Variants in PRAMEF5 observed in about 807,000 individuals in gnomAD.
PRAMEF5 encodes the protein PRAME family member 5, also known as PRAME family member 23.
A neutral mutation model predicts 16.4 loss-of-function variants in PRAMEF5; 5 were observed. The ratio of observed to expected loss-of-function variants is 0.30; its 90% CI spans 0.16 to 0.64. The LOEUF (loss-of-function observed/expected upper bound fraction) is 0.64. Ranked by LOEUF, PRAMEF5 falls within the 30% of genes least tolerant of loss-of-function variation. The pLI is 0.80. For missense variants in PRAMEF5, 36 were observed against 282.9 expected (o/e 0.13, Z 6.26); for synonymous variants, 19 against 107.3 (o/e 0.18, Z 5.09).
At chr1:13,260,053 G>C (rs1553173673) in intron 2 of PRAMEF5, 169 bp from the exon 3 acceptor site, 3 of 1,020,184 alleles carry the variant, frequency 2.9e-6, no homozygotes, top group African/African-American at 3.1e-5. Context: ...GGTCTCAAAA[G>C]AAAAACAAAA....
exon 3 of PRAMEF5, chr1:13,260,338 T>C (rs1639379809): frequency 6.3e-7 from 1 of 1,599,280 alleles, no homozygotes; most frequent in Admixed American, 1.7e-5. Context: ...AAAAAACCAG[T>C]GCAGGACTGT....
chr1:13,260,306 C>A lies in PRAMEF5; in HGVS notation c.372C>A (p.Cys124Ter), dbSNP rs1639378287. The A allele has an allele frequency of 6.3e-7, 1 of 1,595,262 alleles. No individual in the cohort carries two copies. Among genetic ancestry groups the A allele is most frequent in the East Asian group, 2.3e-5 (1 of 43,330 alleles). Residue 124 changes from cysteine (C) to a stop codon, truncating the protein, a stop_gained, in exon 3 of 4, where the codon TGC becomes TGA. Coordinates refer to ENST00000622421, the Ensembl canonical transcript of PRAMEF5. LOFTEE classifies it high-confidence loss of function. ...GGTCTGAAGCTATGGCCCATGGGTG[C>A]TTCCTCAATGCCAAGAGGAACAAAA... is the stretch of plus-strand genomic sequence containing the variant.
At chr1:13,261,851 G>T (rs1295674211) in intron 3 of PRAMEF5, 1 of 31,392 alleles carries the variant, frequency 3.2e-5, no homozygotes, top group Non-Finnish European at 7.1e-5. Flanking sequence ...ATACAGGCTT[G>T]TCAGGGACGC....
chr1:13,260,359 G>T, exon 3 of PRAMEF5: 1 of 1,568,430 alleles, frequency 6.4e-7, no homozygotes, highest in Non-Finnish European at 8.7e-7. Flanking sequence ...CCAAGGATGA[G>T]AGGACAGCAG....
chr1:13,258,624 GAGAA>G (rs1275117782), intron 1 of PRAMEF5: 40 of 160,578 alleles, frequency 2.5e-4, no homozygotes, highest in African/African-American at 9.6e-4. Context: ...GAGGGAGAGA[GAGAA>G]AGAGAGAGAG....
At chr1:13,260,618 G>C in exon 3 of PRAMEF5, 1 of 550,656 alleles carries the variant, frequency 1.8e-6, no homozygotes, top group East Asian at 3.4e-5. Context: ...CCCCATACCT[G>C]GGCCACATGA....
At chr1:13,263,401 T>G (rs1639426929), downstream of PRAMEF5, 3 of 575,534 alleles carry the variant, frequency 5.2e-6, no homozygotes, top group African/African-American at 3.6e-5. Context: ...GATGCATGGT[T>G]GTAAAGAAAC....
intron 2 of PRAMEF5, 96 bp from the exon 3 acceptor site, chr1:13,260,126 A>C: frequency 6.5e-7 from 1 of 1,548,046 alleles, no homozygotes. Flanking sequence ...AGAGAGGGAC[A>C]AGAAGCAGGG....
chr1:13,260,069 TG>T, intron 2 of PRAMEF5, 152 bp from the exon 3 acceptor site: 1 of 1,228,294 alleles, frequency 8.1e-7, no homozygotes, highest in Non-Finnish European at 1.1e-6. Flanking sequence ...CAAAAAAATG[TG>T]GAAGTGGGCA....
chr1:13,261,840 G>T (rs1445424689), intron 3 of PRAMEF5: 2 of 30,298 alleles, frequency 6.6e-5, no homozygotes, highest in African/African-American at 2.1e-4. Flanking sequence ...GTTTGCTGAT[G>T]ATACAGGCTT....
chr1:13,260,086 C>G (rs1569727775), intron 2 of PRAMEF5, 136 bp from the exon 3 acceptor site: 1 of 1,437,376 alleles, frequency 7.0e-7, no homozygotes, highest in Admixed American at 1.8e-5. Flanking sequence ...GGGCAGGATC[C>G]AAGGGGAAAA....
chr1:13,260,013 C>A, intron 2 of PRAMEF5: 1 of 714,272 alleles, frequency 1.4e-6, no homozygotes. Flanking sequence ...CACACCACTG[C>A]ACTCCAGCCT....
At chr1:13,255,831 G>C (rs1356830487) in intron 1 of PRAMEF5, 4 of 135,834 alleles carry the variant, frequency 2.9e-5, no homozygotes, top group Admixed American at 1.5e-4. Flanking sequence ...TCCCAGGCTG[G>C]AGTTCAGTGG....
At chr1:13,260,326 A>G (rs1639379006) in exon 3 of PRAMEF5, 1 of 1,601,566 alleles carries the variant, frequency 6.2e-7, no homozygotes, top group Middle Eastern at 1.9e-4. Context: ...GCCAAGAGGA[A>G]CAAAAAACCA....
At chr1:13,259,331 A>G in exon 2 of PRAMEF5, 1 of 20,212 alleles carries the variant, frequency 4.9e-5, no homozygotes, top group Admixed American at 3.2e-4. Flanking sequence ...TGAGGGACCA[A>G]GCCTTGGCCA....
intron 1 of PRAMEF5, chr1:13,256,104 TCTACC>T (rs1639323634): frequency 1.5e-5 from 2 of 132,694 alleles, no homozygotes; most frequent in African/African-American, 5.2e-5. Flanking sequence ...ATTCTTGACT[TCTACC>T]CTATCCCTAA....
chr1:13,261,688 C>G (rs1553173336), intron 3 of PRAMEF5: 13 of 1,810 alleles, frequency 7.2e-3, no homozygotes, highest in Middle Eastern at 0.077. Flanking sequence ...CCCACAGTTT[C>G]GTGAACATGA....
At chr1:13,263,244 G>C (rs1432097714) in exon 4 of PRAMEF5, 1 of 1,487,466 alleles carries the variant, frequency 6.7e-7, no homozygotes, top group Non-Finnish European at 9.2e-7. Flanking sequence ...AAGTGGGAAA[G>C]GAAAGGTGAT....
At chr1:13,260,047 T>C in intron 2 of PRAMEF5, 175 bp from the exon 3 acceptor site, 1 of 920,312 alleles carries the variant, frequency 1.1e-6, no homozygotes, top group Admixed American at 2.7e-5. Flanking sequence ...AGACGTGGTC[T>C]CAAAAGAAAA....
Sources: allele counts gnomAD v4.1 joint callset, GRCh38; gene constraint gnomAD v4.1.1; transcripts MANE v1.5; gene names NCBI Gene and HGNC (gene_info 2026-07-23, HGNC 2026-07-21).